Variants in STXBP6 observed in about 807,000 individuals in gnomAD.
STXBP6 encodes the protein syntaxin-binding protein 6.
A neutral mutation model predicts 26.9 loss-of-function variants in STXBP6; 21 were observed. The observed-to-expected ratio is 0.78, with a 90% CI of 0.55 to 1.12. The LOEUF (loss-of-function observed/expected upper bound fraction) is 1.12. Among genes scored for constraint, STXBP6 ranks in the 50% most tolerant of loss-of-function variants. The pLI, the probability that STXBP6 is intolerant of heterozygous loss-of-function variation, is 0.00. For missense variants in STXBP6, 232 were observed against 257.9 expected (o/e 0.90, Z 0.69); for synonymous variants, 97 against 92.6 (o/e 1.05, Z -0.27).
rs955905802 is a variant in STXBP6 at position 24,810,633 on chromosome 14, A to G, written c.*2076T>C. ...GGAATACTTATATTTATCAAGAGTA[A>G]CTATTGTAATTCTACCAGGGAAGAA... On this transcript the variant is annotated 3_prime_UTR_variant, in exon 6 of 6. Transcript: ENST00000323944. 1 of 152,192 alleles carries G rather than the reference A, an allele frequency of 6.6e-6. No individual in the cohort carries two copies. The highest frequency in any genetic ancestry group is 2.4e-5 in the African/African-American group (1 of 41,454). The allele number at this position is 152,192 out of a possible 1,614,324, so 9.4% of individuals were successfully genotyped here.
intron 2 of STXBP6, among the ~76,000 whole-genome samples, chr14:24,892,198 A>G (rs1206479979): frequency 7.8e-6 from 1 of 128,202 alleles, no homozygotes; most frequent in Non-Finnish European, 1.7e-5. Context: ...TAATGTATAC[A>G]TTATTTTTTT....
At chr14:24,963,699 AT>A (rs1260679860) in intron 2 of STXBP6, among the ~76,000 whole-genome samples, 4 of 152,222 alleles carry the variant, frequency 2.6e-5, no homozygotes, top group Non-Finnish European at 5.9e-5. Context: ...TTGTTACTCC[AT>A]TAAATGAACT....
intron 1 of STXBP6, among the ~76,000 whole-genome samples, chr14:24,992,133 G>A (rs935102880): frequency 6.6e-6 from 1 of 152,148 alleles, no homozygotes; most frequent in Non-Finnish European, 1.5e-5. Context: ...CAATAGCTAG[G>A]AAATAGCTCC....
chr14:24,926,293 A>C (rs1213392262), intron 2 of STXBP6, among the ~76,000 whole-genome samples: 1 of 152,184 alleles, frequency 6.6e-6, no homozygotes, highest in East Asian at 1.9e-4. Flanking sequence ...AAATTGGGAC[A>C]AGAAGTGTGG....
chr14:25,022,906 C>T (rs1162555491), intron 1 of STXBP6, among the ~76,000 whole-genome samples: 2 of 152,150 alleles, frequency 1.3e-5, no homozygotes, highest in African/African-American at 4.8e-5. Context: ...GTTCCTACAC[C>T]TCACCCCTCT....
chr14:25,006,967 A>G (rs1186708975), intron 1 of STXBP6, among the ~76,000 whole-genome samples: 1 of 152,350 alleles, frequency 6.6e-6, no homozygotes, highest in Middle Eastern at 3.4e-3. Context: ...ACACTCCGAC[A>G]TTAGTTACCC....
chr14:25,041,004 T>C (rs2140504582), intron 1 of STXBP6, among the ~76,000 whole-genome samples: 1 of 152,314 alleles, frequency 6.6e-6, no homozygotes, highest in Admixed American at 6.5e-5. Context: ...GCCAACTTCC[T>C]ATATTCAAGG....
chr14:24,930,608 G>A (rs1385593234), intron 2 of STXBP6, among the ~76,000 whole-genome samples: 1 of 152,156 alleles, frequency 6.6e-6, no homozygotes, highest in South Asian at 2.1e-4. Flanking sequence ...GTTCTGCTGG[G>A]ATCTAAAGAG....
At chr14:24,818,028 C>T (rs1354845897) in intron 5 of STXBP6, 3 of 456,430 alleles carry the variant, frequency 6.6e-6, no homozygotes, top group Admixed American at 4.7e-5. Context: ...CTTCTCATTG[C>T]TTTTTAGGTT....
chr14:25,016,131 G>A (rs1363578680), intron 1 of STXBP6, among the ~76,000 whole-genome samples: 13 of 152,076 alleles, frequency 8.5e-5, no homozygotes, highest in Non-Finnish European at 2.9e-5. Flanking sequence ...CACCATGCAC[G>A]CTCAATAAAT....
intron 2 of STXBP6, among the ~76,000 whole-genome samples, chr14:24,966,059 A>G (rs956492326): frequency 2.0e-5 from 3 of 152,216 alleles, no homozygotes; most frequent in African/African-American, 7.2e-5. Flanking sequence ...CAAAACGAAC[A>G]TAAGTGAGTG....
At chr14:24,862,732 AGTTTGG>A in intron 2 of STXBP6, among the ~76,000 whole-genome samples, 1 of 152,198 alleles carries the variant, frequency 6.6e-6, no homozygotes, top group African/African-American at 2.4e-5. Context: ...TTTGTAAAGC[AGTTTGG>A]GTAAGTCTTT....
chr14:24,850,362 G>C (rs1038786368), intron 4 of STXBP6, among the ~76,000 whole-genome samples: 1 of 152,066 alleles, frequency 6.6e-6, no homozygotes, highest in Non-Finnish European at 1.5e-5. Context: ...AATTCTAATA[G>C]AGCTCTGAAG....
chr14:25,049,974 G>T lies in STXBP6; in HGVS notation c.-129C>A. 1.3e-6 allele frequency: 1 copy of T among 744,190 alleles called. No homozygotes were observed. Among genetic ancestry groups the T allele is most frequent in the Non-Finnish European group, 1.6e-6 (1 of 609,784 alleles). 46.1% of individuals were successfully genotyped at this position (744,190 alleles called of 1,614,324 possible). A position where few individuals can be genotyped will look rare whatever the true frequency, so the allele number is the denominator to read the frequency against. ...GGGGGCTGCCCCGCGCGGGGCTCCG[G>T]GCTCCGGACAAGGCTTAGCCGGCCC... On this transcript the variant is annotated 5_prime_UTR_variant, in exon 1 of 6. Transcript: ENST00000323944. The surrounding 1 kb of genome is among the most constrained non-coding windows in gnomAD (Gnocchi z 5.6).
chr14:24,959,134 A>C (rs2073440627), intron 2 of STXBP6, among the ~76,000 whole-genome samples: 1 of 152,236 alleles, frequency 6.6e-6, no homozygotes, highest in African/African-American at 2.4e-5. Flanking sequence ...CACTTTCTGC[A>C]AAAACAAATC....
intron 1 of STXBP6, among the ~76,000 whole-genome samples, chr14:25,013,207 G>A (rs2075069366): frequency 1.3e-5 from 2 of 152,088 alleles, no homozygotes; most frequent in African/African-American, 4.8e-5. Context: ...TCCCCAAATT[G>A]GTTATCTCTG....
chr14:24,944,546 A>G (rs2072913493), intron 2 of STXBP6, among the ~76,000 whole-genome samples: 1 of 152,154 alleles, frequency 6.6e-6, no homozygotes, highest in Non-Finnish European at 1.5e-5. Flanking sequence ...GCATTTTGTC[A>G]TGTTCAGATC....
At chr14:24,866,533 C>A (rs972232384) in intron 2 of STXBP6, among the ~76,000 whole-genome samples, 1 of 151,868 alleles carries the variant, frequency 6.6e-6, no homozygotes, top group Admixed American at 6.6e-5. Context: ...AAAGACAATT[C>A]CATTTACAAG....
In STXBP6 at chr14:25,049,179, A is replaced by C; in HGVS notation, c.-33+699T>G. On this transcript the variant is annotated intron_variant, in intron 1 of 5. Coordinates refer to ENST00000323944, the MANE Select transcript of STXBP6 (RefSeq NM_001394410.1). This position sits in a 1 kb window ranked among gnomAD's most constrained non-coding sequence, Gnocchi z 5.6. ...GGCGGGGTGTTGTAAACCTGAGGAA[A>C]GGTTGGAGGGAAAATCAAGCCACCC... 1.0e-6 allele frequency: 1 copy of C among 985,416 alleles called. No homozygotes were observed. Among genetic ancestry groups the C allele is most frequent in the Non-Finnish European group, 1.2e-6 (1 of 829,968 alleles). 61.0% of individuals were successfully genotyped at this position (985,416 alleles called of 1,614,324 possible).
Sources: allele counts gnomAD v4.1 joint callset (sites outside exome capture counted in the v4.1 genomes callset), GRCh38; gene constraint gnomAD v4.1.1; non-coding constraint Gnocchi (gnomAD v3.1); transcripts MANE v1.5; gene names NCBI Gene and HGNC (gene_info 2026-07-23, HGNC 2026-07-21).